BET1: variants seen among roughly 807,000 people sequenced by gnomAD.
The protein encoded by BET1 is Bet1 golgi vesicular membrane trafficking protein.
A neutral mutation model predicts 13.9 loss-of-function variants in BET1; 9 were observed. The ratio of observed to expected loss-of-function variants is 0.65; its 90% CI spans 0.39 to 1.13. BET1 has a LOEUF of 1.13. Among genes scored for constraint, BET1 ranks in the 50% most tolerant of loss-of-function variants. The pLI is 0.01. For synonymous variants in BET1, 39 were observed against 47.3 expected, an observed-to-expected ratio of 0.82 and a Z score of 0.72; for missense variants, 127 against 133.6, an observed-to-expected ratio of 0.95 and a Z score of 0.24.
chr7:93,975,960 T>C, exon 5 of BET1: 1 of 1,264,168 alleles, frequency 7.9e-7, no homozygotes, highest in Non-Finnish European at 1.0e-6. Flanking sequence ...TGTCATGATA[T>C]AATTCTGCAG....
At chr7:93,978,477 C>T (rs1489087062) in intron 4 of BET1, among the ~76,000 whole-genome samples, 3 of 152,150 alleles carry the variant, frequency 2.0e-5, no homozygotes, top group African/African-American at 4.8e-5. Flanking sequence ...ATATTGCCCA[C>T]GTTTCATTTC....
At chr7:93,986,079 T>G (rs1293377118) in intron 4 of BET1, among the ~76,000 whole-genome samples, 1 of 152,158 alleles carries the variant, frequency 6.6e-6, no homozygotes, top group Non-Finnish European at 1.5e-5. Context: ...ATAATGAGAG[T>G]TGATGGTAGC....
In BET1 at chr7:93,994,339, C is replaced by T; in HGVS notation, c.248G>A (p.Gly83Asp). 1 of 1,613,568 alleles carries T rather than the reference C, an allele frequency of 6.2e-7. No homozygotes were observed. Among genetic ancestry groups the T allele is most frequent in the Non-Finnish European group, 8.5e-7 (1 of 1,179,696 alleles). Residue 83 changes from glycine (G) to aspartate (D), a missense_variant, in exon 4 of 4, where the codon GGC becomes GAC. By Grantham distance (94) the Gly-to-Asp change is moderately conservative. Coordinates refer to ENST00000222547, the MANE Select transcript of BET1 (RefSeq NM_005868.6). ...CCCTCTGGATAAAATCTTCAGTTTG[C>T]CCATAGTTTTACCTAGAAATCCAGT... is the stretch of plus-strand genomic sequence containing the variant. The part of the protein sequence containing the change: ...STTGFLGKTM[G>D]KLKILSRGSQ...
At chr7:94,002,525 A>G (rs1257861917) in intron 1 of BET1, among the ~76,000 whole-genome samples, 1 of 151,870 alleles carries the variant, frequency 6.6e-6, no homozygotes, top group South Asian at 2.1e-4. Flanking sequence ...TAAATTGGAG[A>G]AATTCTAATT....
downstream of BET1, among the ~76,000 whole-genome samples, chr7:93,991,020 G>A (rs536008430): frequency 2.6e-5 from 4 of 152,090 alleles, no homozygotes; most frequent in Non-Finnish European, 5.9e-5. Context: ...CTAAGATACA[G>A]ATGCCAATAT....
intron 5 of BET1, among the ~76,000 whole-genome samples, chr7:93,973,521 TA>T (rs1294030894): frequency 6.6e-6 from 1 of 151,916 alleles, no homozygotes; most frequent in East Asian, 1.9e-4. Context: ...TTTCATGAAA[TA>T]GATTTTCCAT....
intron 1 of BET1, among the ~76,000 whole-genome samples, chr7:94,003,789 G>T (rs568426977): frequency 6.6e-6 from 1 of 152,016 alleles, no homozygotes; most frequent in South Asian, 2.1e-4. Flanking sequence ...CGTGCTTTGG[G>T]TGCAACCACC....
At chr7:93,963,330 A>G (rs577268730) in exon 7 of BET1, 1 of 152,204 alleles carries the variant, frequency 6.6e-6, no homozygotes, top group African/African-American at 2.4e-5. Context: ...GTATGTCTTT[A>G]TAGCAGTATG....
intron 5 of BET1, chr7:93,975,827 C>T: frequency 1.4e-6 from 1 of 695,004 alleles, no homozygotes; most frequent in East Asian, 6.9e-5. Context: ...ATATCATGCT[C>T]AATCACACCT....
chr7:94,003,438 C>CT (rs1255543222), intron 1 of BET1, among the ~76,000 whole-genome samples: 1 of 147,466 alleles, frequency 6.8e-6, no homozygotes, highest in Non-Finnish European at 1.5e-5. Context: ...ATACTGCACT[C>CT]TAATTTAGCG....
At chr7:93,979,440 A>T (rs893986175) in intron 4 of BET1, among the ~76,000 whole-genome samples, 4 of 152,254 alleles carry the variant, frequency 2.6e-5, no homozygotes, top group African/African-American at 9.6e-5. Context: ...GAACTTTAAC[A>T]TTCTATCCTA....
intron 6 of BET1, among the ~76,000 whole-genome samples, chr7:93,971,466 A>G (rs1030772714): frequency 6.6e-6 from 1 of 151,664 alleles, no homozygotes; most frequent in East Asian, 1.9e-4. Context: ...AATAACAGTT[A>G]ATGCTGAAAT....
At chr7:93,995,527 G>A (rs1019851746) in intron 3 of BET1, among the ~76,000 whole-genome samples, 2 of 152,050 alleles carry the variant, frequency 1.3e-5, no homozygotes, top group Non-Finnish European at 2.9e-5. Context: ...CACCAGAGAT[G>A]CTTTTTTCAA....
intron 1 of BET1, among the ~76,000 whole-genome samples, chr7:94,001,371 A>G (rs1330316162): frequency 6.6e-6 from 1 of 152,224 alleles, no homozygotes; most frequent in East Asian, 1.9e-4. Flanking sequence ...GAATGGAATC[A>G]TATGCTTCTC....
chr7:93,973,711 G>A (rs1795294741), intron 5 of BET1, among the ~76,000 whole-genome samples: 1 of 152,024 alleles, frequency 6.6e-6, no homozygotes, highest in Non-Finnish European at 1.5e-5. Flanking sequence ...GCCCTGTGAT[G>A]AGAAGGCTGA....
intron 1 of BET1, among the ~76,000 whole-genome samples, chr7:94,003,186 T>C (rs1192229523): frequency 6.6e-6 from 1 of 152,128 alleles, no homozygotes; most frequent in African/African-American, 2.4e-5. Context: ...TTCTTTTTTT[T>C]TTCTCTTCAA....
chr7:93,968,595 A>C (rs1268651475), intron 6 of BET1, among the ~76,000 whole-genome samples: 1 of 151,800 alleles, frequency 6.6e-6, no homozygotes, highest in East Asian at 1.9e-4. Flanking sequence ...CCTATTTTAT[A>C]GATGAGAAGA....
In BET1 at chr7:94,004,285, C is replaced by T. The variant is rs1795981282; in HGVS notation, c.-69G>A. ...TGAGTAGGAAACAGCTAGGGGCGACCCGGACCGCGTCTTCAGTACCAGGGC... is the reference window on the plus strand; with the variant it reads ...TGAGTAGGAAACAGCTAGGGGCGACTCGGACCGCGTCTTCAGTACCAGGGC... On this transcript the variant is annotated 5_prime_UTR_variant, in exon 1 of 4. Coordinates refer to ENST00000222547, the MANE Select transcript of BET1 (RefSeq NM_005868.6). 4 of 1,605,440 alleles carry T rather than the reference C, an allele frequency of 2.5e-6. No homozygotes were observed. The African/African-American group carries it at 4.0e-5, about 16-fold the overall frequency.
At position 93,971,632 on chromosome 7, in the gene BET1, C is replaced by T. The variant is rs1236985800; in HGVS notation, c.*137+943G>A. 2.6e-5 allele frequency among the ~76,000 whole-genome samples: 4 copies of T among 151,604 alleles called. No homozygotes were observed. The Admixed American group carries it at 2.6e-4, about 10-fold the overall frequency. ...GTAAACATTTTTTGTCCAAGGCTGTCCCTATGTGGCCCCACTTATGCTCAC... is the reference window on the plus strand; with the variant it reads ...GTAAACATTTTTTGTCCAAGGCTGTTCCTATGTGGCCCCACTTATGCTCAC... On this transcript the variant is annotated intron_variant and NMD_transcript_variant, in intron 6 of 6. Coordinates refer to the BET1 transcript ENST00000357520.
Sources: allele counts gnomAD v4.1 joint callset (sites outside exome capture counted in the v4.1 genomes callset), GRCh38; gene constraint gnomAD v4.1.1; transcripts MANE v1.5; gene names NCBI Gene and HGNC (gene_info 2026-07-23, HGNC 2026-07-21).